NTNG2: variants seen among roughly 807,000 people sequenced by gnomAD.
The protein encoded by NTNG2 is netrin-G2.
Under a neutral mutation model 47.6 loss-of-function variants are expected in NTNG2, and 15 were observed. That is an observed-to-expected ratio of 0.32 (90% CI 0.21 to 0.49). The LOEUF (loss-of-function observed/expected upper bound fraction) is 0.49. Among genes scored for constraint, NTNG2 ranks in the 20% least tolerant of loss-of-function variants. The probability of loss-of-function intolerance (pLI) is 0.99; values close to 1 mark genes in which losing one functional copy is unlikely to be tolerated. For missense variants in NTNG2, 578 were observed against 764.6 expected, an observed-to-expected ratio of 0.76 and a Z score of 2.88; for synonymous variants, 307 against 324.6, an observed-to-expected ratio of 0.95 and a Z score of 0.58.
At chr9:132,200,893 C>T (rs370520427) in intron 3 of NTNG2, among the ~76,000 whole-genome samples, 4 of 152,230 alleles carry the variant, frequency 2.6e-5, no homozygotes, top group East Asian at 3.8e-4. Flanking sequence ...TGGGCATCTC[C>T]GTGACCTCTG....
chr9:132,195,098 T>C (rs990589011), intron 2 of NTNG2, among the ~76,000 whole-genome samples: 8 of 152,360 alleles, frequency 5.3e-5, no homozygotes, highest in Admixed American at 6.5e-5. Flanking sequence ...TTTTTTTCTT[T>C]CTTTCTCTTT....
intron 5 of NTNG2, chr9:132,238,870 G>C (rs1841809327): frequency 1.6e-6 from 1 of 611,060 alleles, no homozygotes; most frequent in East Asian, 3.1e-5. Context: ...ACAGGGCCAG[G>C]TGGGAATCCC....
chr9:132,209,032 G>A (rs556323742), intron 3 of NTNG2, among the ~76,000 whole-genome samples: 2 of 152,348 alleles, frequency 1.3e-5, no homozygotes, highest in African/African-American at 4.8e-5. Context: ...TCACTCCTGA[G>A]TAGGACTGTG....
chr9:132,178,064 T>TATAGA (rs1453463076), intron 2 of NTNG2, among the ~76,000 whole-genome samples: 2 of 152,242 alleles, frequency 1.3e-5, no homozygotes, highest in African/African-American at 4.8e-5. Context: ...GTGCCCATTT[T>TATAGA]ATAGATGAGG....
rs1022569634 is a variant in NTNG2 at position 132,162,995 on chromosome 9, G to T, written c.-484+756G>T. ...CCGGAGTAAGTTGGCCGTCTGGGCT[G>T]GGGGCGGCGGCGGCCGGGTCGCCAC... On this transcript the variant is annotated intron_variant, in intron 1 of 7. Transcript: ENST00000393229. The surrounding 1 kb of genome is among the most constrained non-coding windows in gnomAD (Gnocchi z 4.6). Among the ~76,000 whole-genome samples the T allele has an allele frequency of 1.3e-5, 2 of 152,128 alleles. No individual in the cohort carries two copies. The highest frequency in any genetic ancestry group is 2.4e-5 in the African/African-American group (1 of 41,432).
chr9:132,204,128 C>T (rs1052323586), intron 3 of NTNG2, among the ~76,000 whole-genome samples: 2 of 152,168 alleles, frequency 1.3e-5, no homozygotes, highest in Non-Finnish European at 2.9e-5. Flanking sequence ...CCCTTTCTGC[C>T]CAGGAGCAGG....
chr9:132,207,867 G>A (rs1589467533), intron 3 of NTNG2, among the ~76,000 whole-genome samples: 1 of 152,224 alleles, frequency 6.6e-6, no homozygotes, highest in African/African-American at 2.4e-5. Flanking sequence ...ACTTTGGGAG[G>A]CTGAGGCTGG....
Position 132,180,577 on chromosome 9 carries a change from G to A in NTNG2, c.213+13533G>A, listed in dbSNP as rs148674672. Among the ~76,000 whole-genome samples, 963 of 152,336 alleles carry A rather than the reference G, an allele frequency of 6.3e-3. 9 individuals carry two copies. The highest frequency in any genetic ancestry group is 0.022 in the African/African-American group (923 of 41,570). ...TGGCTGCCAGGAACTGGGTGGCCCC[G>A]GGCAAGTCTCTTCCCATTTCGGGGT... On this transcript the variant is annotated intron_variant, in intron 2 of 7. Coordinates refer to ENST00000393229, the MANE Select transcript of NTNG2 (RefSeq NM_032536.4). This position sits in a 1 kb window ranked among gnomAD's most constrained non-coding sequence, Gnocchi z 4.2.
Position 132,197,902 on chromosome 9 carries a change from G to C in NTNG2, c.214-64G>C. 1 of 1,515,902 alleles carries C rather than the reference G, an allele frequency of 6.6e-7. No homozygotes were observed. The highest frequency in any genetic ancestry group is 8.9e-7 in the Non-Finnish European group (1 of 1,121,508). 93.9% of individuals were successfully genotyped at this position (1,515,902 alleles called of 1,614,324 possible). Reference sequence around the variant, plus strand: ...TCGCAGGCAGGGGCTAGGCCGCGCAGAGGCTTCCCAGGCCATCCCGAGCAT... The same window carrying C: ...TCGCAGGCAGGGGCTAGGCCGCGCACAGGCTTCCCAGGCCATCCCGAGCAT... On this transcript the variant is annotated intron_variant, in intron 2 of 7. Transcript: ENST00000393229. This position sits in a 1 kb window ranked among gnomAD's most constrained non-coding sequence, Gnocchi z 4.3.
In NTNG2 at chr9:132,238,682, C is replaced by T. The variant is rs111367038; in HGVS notation, c.1055-422C>T. Among the ~76,000 whole-genome samples, 289 of 152,350 alleles carry T rather than the reference C, an allele frequency of 1.9e-3. 4 individuals are homozygous for T. The highest frequency in any genetic ancestry group is 6.7e-3 in the African/African-American group (278 of 41,592). On this transcript the variant is annotated intron_variant, in intron 5 of 7. Transcript: ENST00000393229. ...TACCCGAGGATACCACGGCGAGCGCCGTGAACCCAGGCGTCGCCCTCCCCC... is the reference window on the plus strand; with the variant it reads ...TACCCGAGGATACCACGGCGAGCGCTGTGAACCCAGGCGTCGCCCTCCCCC...
At position 132,224,762 on chromosome 9, in the gene NTNG2, T is replaced by C. The variant is rs748262869; in HGVS notation, c.858-2087T>C. Among the ~76,000 whole-genome samples, 3 of 152,370 alleles carry C rather than the reference T, an allele frequency of 2.0e-5. 1 individual carries two copies. In the East Asian group the frequency reaches 5.8e-4, roughly 29 times the overall value. ...TCTGTCTCTCTTTCACTTTTTATTA[T>C]GGAGAATTTCCAACACAAAAGAAGA... On this transcript the variant is annotated intron_variant, in intron 3 of 7. Coordinates refer to ENST00000393229, the MANE Select transcript of NTNG2 (RefSeq NM_032536.4).
intron 3 of NTNG2, among the ~76,000 whole-genome samples, chr9:132,200,851 G>A (rs1838692151): frequency 6.6e-6 from 1 of 152,240 alleles, no homozygotes; most frequent in Non-Finnish European, 1.5e-5. Context: ...TATAGGCACT[G>A]TTGTGGAACT....
At chr9:132,169,881 G>A (rs1320508936) in intron 2 of NTNG2, among the ~76,000 whole-genome samples, 2 of 152,178 alleles carry the variant, frequency 1.3e-5, no homozygotes, top group East Asian at 1.9e-4. Flanking sequence ...CCTTGGGGAC[G>A]CCACGCCTTG....
chr9:132,170,760 C>A (rs1835857071), intron 2 of NTNG2, among the ~76,000 whole-genome samples: 1 of 152,154 alleles, frequency 6.6e-6, no homozygotes, highest in African/African-American at 2.4e-5. Flanking sequence ...CCAAGGGAAT[C>A]CTGCCACTCC....
In NTNG2 at chr9:132,162,682, G is replaced by A. The variant is rs970898361; in HGVS notation, c.-484+443G>A. On this transcript the variant is annotated intron_variant, in intron 1 of 7. Coordinates refer to ENST00000393229, the MANE Select transcript of NTNG2 (RefSeq NM_032536.4). This position sits in a 1 kb window ranked among gnomAD's most constrained non-coding sequence, Gnocchi z 4.6. ...AAAAGGAAACTAACCCTGCTCCCGC[G>A]CCTCTCCCCCACCCCAATTCCACCG... 6.6e-5 allele frequency among the ~76,000 whole-genome samples: 10 copies of A among 150,874 alleles called. No individual in the cohort carries two copies. Among genetic ancestry groups the A allele is most frequent in the African/African-American group, 2.4e-4 (10 of 40,954 alleles).
At chr9:132,186,544 C>G (rs1279665820) in intron 2 of NTNG2, among the ~76,000 whole-genome samples, 1 of 152,172 alleles carries the variant, frequency 6.6e-6, no homozygotes, top group Non-Finnish European at 1.5e-5. Flanking sequence ...CAGTGGGTGC[C>G]CACACCAGGC....
At chr9:132,224,330 T>C (rs925516132) in intron 3 of NTNG2, among the ~76,000 whole-genome samples, 1 of 152,206 alleles carries the variant, frequency 6.6e-6, no homozygotes, top group Non-Finnish European at 1.5e-5. Context: ...GGCCTGTTAT[T>C]TACATTAGGA....
intron 2 of NTNG2, among the ~76,000 whole-genome samples, chr9:132,181,997 G>A (rs975074702): frequency 6.6e-6 from 1 of 152,168 alleles, no homozygotes; most frequent in African/African-American, 2.4e-5. Context: ...CATGTGTGCT[G>A]GTGAGCATAC....
rs1288592325 is a variant in NTNG2, at chr9:132,242,981, C to T, written c.*870C>T. 1.3e-5 allele frequency: 2 copies of T among 152,286 alleles called. No homozygotes were observed. The highest frequency in any genetic ancestry group is 2.9e-5 in the Non-Finnish European group (2 of 68,092). The allele number at this position is 152,286 out of a possible 1,614,324, so 9.4% of individuals were successfully genotyped here. On this transcript the variant is annotated 3_prime_UTR_variant, in exon 8 of 8. Coordinates refer to ENST00000393229, the MANE Select transcript of NTNG2 (RefSeq NM_032536.4). This position sits in a 1 kb window ranked among gnomAD's most constrained non-coding sequence, Gnocchi z 5.9. The stretch of plus-strand genomic sequence containing the variant: ...CTGTGGATTCCAGCAGGCAGTGCCC[C>T]CTCCCCGCAGGCTTGGCTGGCAGAG...
Sources: gnomAD v4.1 joint callset for allele counts (sites outside exome capture counted in the v4.1 genomes callset) on GRCh38, gnomAD v4.1.1 for gene constraint, Gnocchi (gnomAD v3.1) non-coding constraint, MANE v1.5 for transcripts, NCBI Gene and HGNC (gene_info 2026-07-23, HGNC 2026-07-21) for gene names.